UBAC1: variants seen among roughly 807,000 people sequenced by gnomAD.
UBAC1 encodes the protein ubiquitin-associated domain-containing protein 1.
In UBAC1, 27 loss-of-function variants were observed where a neutral mutation model predicts 45.9. That is an observed-to-expected ratio of 0.59 (90% confidence interval 0.43 to 0.81). The LOEUF is 0.81. UBAC1 is among the 30% of genes least tolerant of loss of function. The probability of loss-of-function intolerance (pLI) is 0.00; values close to 1 mark genes in which losing one functional copy is unlikely to be tolerated. For synonymous variants in UBAC1, 227 were observed against 215.5 expected (o/e 1.05, Z -0.47); for missense variants, 529 against 539.2 (o/e 0.98, Z 0.19).
chr9:135,943,759 G>A (rs543317049), intron 7 of UBAC1, among the ~76,000 whole-genome samples: 123 of 152,256 alleles, frequency 8.1e-4, no homozygotes, highest in African/African-American at 2.9e-3. Context: ...AGAAAATGTG[G>A]GATATATACA....
chr9:135,933,368 T>G lies in UBAC1; in HGVS notation c.*32A>C. On this transcript the variant is annotated 3_prime_UTR_variant, in exon 10 of 10. Coordinates refer to ENST00000371756, the MANE Select transcript of UBAC1 (RefSeq NM_016172.3). ...GTCTCGGGCCGCACCAGGGGGCTGC[T>G]GTGGCCTGATAGCCGAGTGGAACAA... is the stretch of plus-strand genomic sequence containing the variant. 1 of 1,592,820 alleles carries G rather than the reference T, an allele frequency of 6.3e-7. No individual in the cohort carries two copies. The highest frequency in any genetic ancestry group is 1.1e-5 in the South Asian group (1 of 90,644).
In UBAC1 at chr9:135,940,202, G is replaced by A. The variant is rs528227015; in HGVS notation, c.877-443C>T. On this transcript the variant is annotated intron_variant, in intron 7 of 9. Transcript: ENST00000371756. ...AGAAGTGGCATTAGGGAAAGGCCAC[G>A]TCAGTAAGTGCAATCTCAACGGAAA... is the stretch of plus-strand genomic sequence containing the variant. 6.6e-5 allele frequency among the ~76,000 whole-genome samples: 10 copies of A among 152,050 alleles called. No individual in the cohort carries two copies. In the South Asian group the frequency reaches 1.9e-3, roughly 28 times the overall value.
At chr9:135,936,813 G>A (rs1015111809) in intron 9 of UBAC1, among the ~76,000 whole-genome samples, 1 of 152,066 alleles carries the variant, frequency 6.6e-6, no homozygotes, top group African/African-American at 2.4e-5. Flanking sequence ...TTCTTTAAAG[G>A]TTCACATCTT....
rs1839225959 is a variant in UBAC1, at chr9:135,938,487, C to T, written c.964-127G>A. On this transcript the variant is annotated intron_variant, in intron 8 of 9. Transcript: ENST00000371756. ...CCTGTTGAGCCCCCAGGGCTGATCT[C>T]CCTGGAAGGGACTCTACCGTGAAGA... The T allele has an allele frequency of 3.3e-6, 4 of 1,228,520 alleles. No homozygotes were observed. The African/African-American group carries it at 4.6e-5, about 14-fold the overall frequency. 76.1% of individuals were successfully genotyped at this position (1,228,520 alleles called of 1,614,324 possible). A position where few individuals can be genotyped will look rare whatever the true frequency, so the allele number is the denominator to read the frequency against.
intron 5 of UBAC1, 65 bp downstream of exon 5, chr9:135,946,204 C>T: frequency 8.2e-7 from 1 of 1,222,400 alleles, no homozygotes; most frequent in Non-Finnish European, 1.2e-6. Context: ...GTGCGTGGAG[C>T]TGCAGACGCT....
At chr9:135,938,392 A>G in intron 8 of UBAC1, 32 bp from the exon 9 acceptor site, 1 of 1,605,546 alleles carries the variant, frequency 6.2e-7, no homozygotes, top group South Asian at 1.1e-5. Flanking sequence ...TACCACTGTT[A>G]GCGCCTTCAG....
chr9:135,955,571 T>C lies in UBAC1; in HGVS notation c.139-156A>G, dbSNP rs186582582. On this transcript the variant is annotated intron_variant, in intron 1 of 9. Transcript: ENST00000371756. ...GAAATTAAAGAATTCCCACTAATGG[T>C]AGATGCCAAATGAAGCATCATAGCA... 1.1e-3 allele frequency among the ~76,000 whole-genome samples: 173 copies of C among 152,300 alleles called. 1 individual carries two copies. Among genetic ancestry groups the C allele is most frequent in the African/African-American group, 3.8e-3 (160 of 41,570 alleles).
rs139530690 is a variant in UBAC1, at chr9:135,945,108, T to A, written c.796A>T (p.Thr266Ser). The A allele has an allele frequency of 1.8e-5, 29 of 1,614,068 alleles. No homozygotes were observed. Among genetic ancestry groups the A allele is most frequent in the Non-Finnish European group, 2.5e-5 (29 of 1,179,992 alleles). Residue 266 changes from threonine (T) to serine (S), a missense_variant, in exon 7 of 10, where the codon ACC (threonine) becomes TCC (serine). Physicochemically the swap from Thr to Ser is moderately conservative, Grantham distance 58. Transcript: ENST00000371756. The part of the protein sequence containing the change: ...ASEAAAGASA[T>S]DEEARDELTE... ...AGCTCATCTCTGGCCTCCTCATCGG[T>A]GGCGCTGGCTCCCGCGGCAGCCTCG...
At chr9:135,946,403 A>G in intron 4 of UBAC1, 32 bp from the exon 5 acceptor site, 2 of 1,399,710 alleles carry the variant, frequency 1.4e-6, no homozygotes. Flanking sequence ...TCAATTCTCT[A>G]AATGTCCACC....
At chr9:135,938,800 G>A (rs1350454764) in intron 8 of UBAC1, among the ~76,000 whole-genome samples, 1 of 143,104 alleles carries the variant, frequency 7.0e-6, no homozygotes. Context: ...AACTCCACTG[G>A]CACGGGGGAT....
intron 4 of UBAC1, 140 bp from the exon 5 acceptor site, chr9:135,946,511 G>C (rs1839338430): frequency 4.6e-6 from 3 of 656,068 alleles, no homozygotes; most frequent in Admixed American, 2.2e-5. Context: ...AGGATCAGCT[G>C]AGGGCAAGGC....
At position 135,961,342 on chromosome 9, in the gene UBAC1, CCCGCCGCCGCAGCAGCCGCCGGGGGCGCG is replaced by C. The variant is rs1200599858; in HGVS notation, c.-209_-181del. 1 of 296,402 alleles carries C rather than the reference CCCGCCGCCGCAGCAGCCGCCGGGGGCGCG, an allele frequency of 3.4e-6. No homozygotes were observed. The highest frequency in any genetic ancestry group is 5.0e-6 in the Non-Finnish European group (1 of 201,704). The allele number at this position is 296,402 out of a possible 1,614,324, so 18.4% of individuals were successfully genotyped here. ...CCGCGGCCTCAGCGGTCGCCTCGCTCCCGCCGCCGCAGCAGCCGCCGGGGGCGCGCCGTCGCGGCCGCACCGGAAGTGCG... is the reference window on the plus strand; with the variant it reads ...CCGCGGCCTCAGCGGTCGCCTCGCTCCCGTCGCGGCCGCACCGGAAGTGCG... On this transcript the variant is annotated 5_prime_UTR_variant, in exon 1 of 10. Coordinates refer to ENST00000371756, the MANE Select transcript of UBAC1 (RefSeq NM_016172.3).
At chr9:135,946,881 G>A (rs776338703) in intron 4 of UBAC1, among the ~76,000 whole-genome samples, 4 of 152,230 alleles carry the variant, frequency 2.6e-5, no homozygotes, top group Non-Finnish European at 5.9e-5. Context: ...GAGGTCAGGC[G>A]TCAGCTGTCC....
At chr9:135,940,932 C>T (rs893142388) in intron 7 of UBAC1, among the ~76,000 whole-genome samples, 1 of 152,232 alleles carries the variant, frequency 6.6e-6, no homozygotes, top group African/African-American at 2.4e-5. Flanking sequence ...CAGCCCCACA[C>T]AGCTCCCAGC....
At chr9:135,951,531 A>G (rs1478745282) in intron 3 of UBAC1, among the ~76,000 whole-genome samples, 1 of 152,124 alleles carries the variant, frequency 6.6e-6, no homozygotes, top group African/African-American at 2.4e-5. Context: ...AATGTAGGCC[A>G]GGCGCAATGG....
At position 135,945,209 on chromosome 9, in the gene UBAC1, G is replaced by A; in HGVS notation, c.695C>T (p.Ala232Val). The A allele has an allele frequency of 6.2e-7, 1 of 1,608,558 alleles. No individual in the cohort carries two copies. The highest frequency in any genetic ancestry group is 8.5e-7 in the Non-Finnish European group (1 of 1,177,432). The change falls in exon 7 of 10, where the codon GCA becomes GTA. Residue 232 changes from alanine (A) to valine (V), a missense_variant. By Grantham distance (64) the Ala-to-Val change is moderately conservative (BLOSUM62 0). Coordinates refer to ENST00000371756, the MANE Select transcript of UBAC1 (RefSeq NM_016172.3). ...AGGCGTGTCTATGGTCGGGTCTTCT[G>A]CGTGTTCAATTAGCCACTCCATGGC... ...PQAMEWLIEH[A>V]EDPTIDTPLP... is the part of the protein sequence containing the mutation.
chr9:135,939,550 CCACA>C (rs1274203268), intron 8 of UBAC1, 119 bp downstream of exon 8: 1 of 929,436 alleles, frequency 1.1e-6, no homozygotes, highest in East Asian at 2.6e-5. Context: ...TCACCACAGC[CCACA>C]CTCACCACAG....
At chr9:135,949,125 T>C (rs993776387) in intron 3 of UBAC1, among the ~76,000 whole-genome samples, 1 of 150,122 alleles carries the variant, frequency 6.7e-6, no homozygotes, top group African/African-American at 2.5e-5. Flanking sequence ...AAGAGGATAG[T>C]GTTTATGAGC....
At chr9:135,956,904 G>C (rs1404289074) in intron 1 of UBAC1, among the ~76,000 whole-genome samples, 1 of 152,210 alleles carries the variant, frequency 6.6e-6, no homozygotes, top group East Asian at 1.9e-4. Flanking sequence ...GGCTCAGCCT[G>C]TGGGTCAGGA....
Sources: allele counts gnomAD v4.1 joint callset (sites outside exome capture counted in the v4.1 genomes callset), GRCh38; gene constraint gnomAD v4.1.1; transcripts MANE v1.5; gene names NCBI Gene and HGNC (gene_info 2026-07-23, HGNC 2026-07-21).